Variants in ZNF407 observed in about 807,000 individuals in gnomAD.
ZNF407 encodes zinc finger protein 407.
ZNF407 carries 17 observed loss-of-function variants against 131.2 expected under a neutral mutation model. That is an observed-to-expected ratio of 0.13 (90% CI 0.09 to 0.19). The LOEUF (loss-of-function observed/expected upper bound fraction) is 0.19, where lower values mean the gene tolerates loss of function less well. Among genes scored for constraint, ZNF407 ranks in the 10% least tolerant of loss-of-function variants. The pLI is 1.00. For missense variants in ZNF407, 2,681 were observed against 2,830.6 expected (o/e 0.95, Z 1.20); for synonymous variants, 1,156 against 1,062.0 (o/e 1.09, Z -1.72).
At chr18:74,598,199 C>T (rs1304375935) in intron 1 of ZNF407, 1 of 152,440 alleles carries the variant, frequency 6.6e-6, no homozygotes, top group African/African-American at 2.4e-5. Context: ...CCCTCCTCCC[C>T]CAGGCCCCAG....
intron 8 of ZNF407, among the ~76,000 whole-genome samples, chr18:74,949,031 T>C (rs906225815): frequency 6.6e-6 from 1 of 152,168 alleles, no homozygotes; most frequent in Non-Finnish European, 1.5e-5. Flanking sequence ...CAGCCAGCCA[T>C]GGTGTCCACT....
chr18:74,714,411 A>C (rs553397900), intron 3 of ZNF407, among the ~76,000 whole-genome samples: 1 of 152,364 alleles, frequency 6.6e-6, no homozygotes, highest in South Asian at 2.1e-4. Context: ...GTTATATGAA[A>C]GACACATTTA....
At chr18:74,956,616 G>A (rs1972278329) in intron 8 of ZNF407, among the ~76,000 whole-genome samples, 2 of 152,154 alleles carry the variant, frequency 1.3e-5, no homozygotes, top group South Asian at 4.1e-4. Context: ...GTTTGTATCA[G>A]TGGGTGTCGT....
chr18:74,922,135 C>G (rs1568270807), intron 8 of ZNF407, among the ~76,000 whole-genome samples: 1 of 152,196 alleles, frequency 6.6e-6, no homozygotes, highest in Non-Finnish European at 1.5e-5. Context: ...GGTTTTGAAA[C>G]TAGACAGTTT....
chr18:74,668,052 C>T (rs1220084589), intron 3 of ZNF407, among the ~76,000 whole-genome samples: 3 of 152,088 alleles, frequency 2.0e-5, no homozygotes, highest in Non-Finnish European at 2.9e-5. Context: ...CCAGTTCATC[C>T]GTATGGGTAG....
intron 4 of ZNF407, among the ~76,000 whole-genome samples, chr18:74,841,367 C>T (rs531070007): frequency 2.6e-5 from 4 of 152,134 alleles, no homozygotes; most frequent in Non-Finnish European, 5.9e-5. Flanking sequence ...GTCACCCTCA[C>T]GGCTGATCAT....
intron 3 of ZNF407, among the ~76,000 whole-genome samples, chr18:74,669,952 C>T: frequency 6.6e-6 from 1 of 152,208 alleles, no homozygotes; most frequent in Non-Finnish European, 1.5e-5. Flanking sequence ...TTTTCCTCAA[C>T]CCTCTCTGAG....
chr18:74,947,972 A>C (rs1390942465), intron 8 of ZNF407, among the ~76,000 whole-genome samples: 1 of 152,202 alleles, frequency 6.6e-6, no homozygotes, highest in African/African-American at 2.4e-5. Flanking sequence ...GGTCAAAGAG[A>C]AAATGACTTC....
chr18:74,986,160 A>C (rs1332698962), intron 8 of ZNF407, among the ~76,000 whole-genome samples: 1 of 152,100 alleles, frequency 6.6e-6, no homozygotes, highest in Non-Finnish European at 1.5e-5. Flanking sequence ...GTTTCACCAT[A>C]AGACAGACTT....
At chr18:74,984,673 C>T (rs1403863073) in intron 8 of ZNF407, among the ~76,000 whole-genome samples, 2 of 152,092 alleles carry the variant, frequency 1.3e-5, no homozygotes, top group South Asian at 2.1e-4. Context: ...AAGAAAATCC[C>T]GTATTGTTTC....
intron 3 of ZNF407, among the ~76,000 whole-genome samples, chr18:74,693,163 T>A (rs1568169570): frequency 6.6e-6 from 1 of 152,254 alleles, no homozygotes; most frequent in Non-Finnish European, 1.5e-5. Flanking sequence ...GACATGTACA[T>A]GTATTTCTTC....
rs974804230 is a variant in ZNF407, at chr18:74,728,178, G to T, written c.4803-53250G>T. On this transcript the variant is annotated intron_variant, in intron 3 of 8. Transcript: ENST00000299687. ...GAGTATAGCAATGGGGATGGAAAGAGAATATGACCTTGAGAAACATCAGAA... is the reference window on the plus strand; with the variant it reads ...GAGTATAGCAATGGGGATGGAAAGATAATATGACCTTGAGAAACATCAGAA... 2.0e-5 allele frequency among the ~76,000 whole-genome samples: 3 copies of T among 152,180 alleles called. No homozygotes were observed. The South Asian group carries it at 6.2e-4, about 31-fold the overall frequency.
Position 74,995,214 on chromosome 18 carries a change from G to A in ZNF407, c.5429-67936G>A, listed in dbSNP as rs149911576. ...CGTGACTGCAGGGGCAAGTGTGAAC[G>A]GCAGGGCCTGGCTTGGGCGATTTGA... is the stretch of plus-strand genomic sequence containing the variant. On this transcript the variant is annotated intron_variant, in intron 8 of 8. Coordinates refer to ENST00000299687, the MANE Select transcript of ZNF407 (RefSeq NM_017757.3). Among the ~76,000 whole-genome samples, 1,439 of 152,298 alleles carry A rather than the reference G, an allele frequency of 9.4e-3. 17 individuals carry two copies. The highest frequency in any genetic ancestry group is 0.031 in the African/African-American group (1,268 of 41,562).
Position 75,064,244 on chromosome 18 carries a change from C to T in ZNF407, c.6523C>T (p.Leu2175=). The stretch of plus-strand genomic sequence containing the variant: ...CACCACGCACTACATCCTGACAGAG[C>T]TGCCCCCAGGGGTGCAGGACGAGCC... ...EGTTHYILTE[L]PPGVQDEPGL... The change falls in exon 9 of 9, where the codon CTG becomes TTG. Residue 2175 remains leucine (L), a synonymous_variant. Coordinates refer to ENST00000299687, the MANE Select transcript of ZNF407 (RefSeq NM_017757.3). The T allele has an allele frequency of 6.2e-7, 1 of 1,607,012 alleles. No homozygotes were observed.
At position 74,635,682 on chromosome 18, in the gene ZNF407, C is replaced by A; in HGVS notation, c.4663C>A (p.Leu1555Met). ...MCRSSNSMAF[L>M]AHIRTHTGSK... ...TCGAAGCAGCAACTCGATGGCCTTC[C>A]TGGCACACATTCGCACTCACACAGG... Residue 1555 changes from leucine to methionine, a missense_variant, in exon 2 of 9, where the codon CTG (leucine) becomes ATG (methionine). Transcript: ENST00000299687. The surrounding 1 kb of genome is among the most constrained non-coding windows in gnomAD (Gnocchi z 4.7). 1.3e-6 allele frequency: 2 copies of A among 1,598,240 alleles called. No homozygotes were observed. The highest frequency in any genetic ancestry group is 8.5e-7 in the Non-Finnish European group (1 of 1,171,554).
chr18:74,854,718 G>GAC (rs1970834986), intron 4 of ZNF407, among the ~76,000 whole-genome samples: 1 of 151,542 alleles, frequency 6.6e-6, no homozygotes, highest in Admixed American at 6.6e-5. Context: ...GCACTACACA[G>GAC]ACACACACAC....
At chr18:74,715,459 G>A (rs1049352674) in intron 3 of ZNF407, among the ~76,000 whole-genome samples, 2 of 152,210 alleles carry the variant, frequency 1.3e-5, no homozygotes, top group African/African-American at 2.4e-5. Flanking sequence ...TGCGAGCGGT[G>A]GTGGAGGCGC....
At chr18:74,908,882 G>A (rs2554124) in intron 7 of ZNF407, among the ~76,000 whole-genome samples, 146,500 of 152,096 alleles carry the variant, frequency 0.96, 70,807 homozygotes, top group Non-Finnish European at 1. Context: ...CTTTTTTTTA[G>A]GATTTATTTT....
At chr18:74,887,319 A>G (rs1971323784) in intron 6 of ZNF407, among the ~76,000 whole-genome samples, 1 of 152,112 alleles carries the variant, frequency 6.6e-6, no homozygotes, top group Admixed American at 6.5e-5. Flanking sequence ...AACTGAGAAC[A>G]AAGAGTTATT....
Sources: gnomAD v4.1 joint callset for allele counts (sites outside exome capture counted in the v4.1 genomes callset) on GRCh38, gnomAD v4.1.1 for gene constraint, Gnocchi (gnomAD v3.1) non-coding constraint, MANE v1.5 for transcripts, NCBI Gene and HGNC (gene_info 2026-07-23, HGNC 2026-07-21) for gene names.